Variants in WWOX observed in about 807,000 individuals in gnomAD.
WWOX encodes the protein WW domain containing oxidoreductase.
WWOX carries 69 observed loss-of-function variants against 46.2 expected under a neutral mutation model. That is an observed-to-expected ratio of 1.49 (90% CI 1.23 to 1.82). The LOEUF (loss-of-function observed/expected upper bound fraction) is 1.82, where lower values mean the gene tolerates loss of function less well. Ranked by LOEUF, WWOX falls within the 40% of genes most tolerant of loss-of-function variation. The pLI is 0.00. For missense variants in WWOX, 919 were observed against 542.6 expected (o/e 1.69, Z -6.89); for synonymous variants, 359 against 202.6 (o/e 1.77, Z -6.56).
chr16:78,375,734 A>C (rs749998553), intron 5 of WWOX, among the ~76,000 whole-genome samples: 3 of 152,206 alleles, frequency 2.0e-5, no homozygotes, highest in Admixed American at 2.0e-4. Context: ...AAAAAATTAT[A>C]GTTTCCTAAG....
Position 78,379,750 on chromosome 16 carries a change from C to T in WWOX, c.517-7110C>T, listed in dbSNP as rs982311576. ...GATACCCTCCCAGCTAATTCCTAGG[C>T]AATCTGCAATTAACAATGATTGTAA... On this transcript the variant is annotated intron_variant, in intron 5 of 8. Coordinates refer to ENST00000566780, the MANE Select transcript of WWOX (RefSeq NM_016373.4). Among the ~76,000 whole-genome samples, 4 of 152,288 alleles carry T rather than the reference C, an allele frequency of 2.6e-5. 1 individual carries two copies. The East Asian group carries it at 7.7e-4, about 29-fold the overall frequency.
At chr16:78,795,384 T>C (rs753320912) in intron 8 of WWOX, among the ~76,000 whole-genome samples, 2 of 152,134 alleles carry the variant, frequency 1.3e-5, no homozygotes, top group Non-Finnish European at 2.9e-5. Context: ...CCTGGCTGTT[T>C]TGTGAATGAG....
At chr16:79,163,955 G>C (rs2050541033) in intron 8 of WWOX, among the ~76,000 whole-genome samples, 1 of 151,196 alleles carries the variant, frequency 6.6e-6, no homozygotes, top group South Asian at 2.1e-4. Flanking sequence ...CCAGCCCACG[G>C]TTTTCCCTCT....
chr16:78,640,644 G>T (rs377647813), intron 8 of WWOX, among the ~76,000 whole-genome samples: 2 of 152,102 alleles, frequency 1.3e-5, no homozygotes, highest in African/African-American at 2.4e-5. Context: ...AAAAGTTGGT[G>T]AAAGAAAGAA....
chr16:79,211,805 C>T lies in WWOX; in HGVS notation c.*9C>T. On this transcript the variant is annotated 3_prime_UTR_variant, in exon 9 of 9. Transcript: ENST00000566780. ...GCAGCCAGTCCGGCTAAGTGGAGCTCAGAGCGGATGGGCACACACACCCGC... is the reference window on the plus strand; with the variant it reads ...GCAGCCAGTCCGGCTAAGTGGAGCTTAGAGCGGATGGGCACACACACCCGC... 1 of 1,614,068 alleles carries T rather than the reference C, an allele frequency of 6.2e-7. No homozygotes were observed. The highest frequency in any genetic ancestry group is 1.1e-5 in the South Asian group (1 of 91,080).
intron 8 of WWOX, among the ~76,000 whole-genome samples, chr16:78,901,798 G>T (rs2044837973): frequency 6.6e-6 from 1 of 152,346 alleles, no homozygotes; most frequent in East Asian, 1.9e-4. Context: ...GAGGTAGTCA[G>T]TGTTCTAAAC....
At chr16:78,691,113 A>G in intron 8 of WWOX, 1 of 630,678 alleles carries the variant, frequency 1.6e-6, no homozygotes, top group South Asian at 1.9e-5. Flanking sequence ...TTTGAATACC[A>G]GTCGTTATTG....
chr16:78,546,754 C>T lies in WWOX; in HGVS notation c.1056+114002C>T, dbSNP rs111596947. The stretch of plus-strand genomic sequence containing the variant: ...CCATGAACCACACTTTGAGAAAGCT[C>T]CATCTAAAGAGATAAGTTACTGACG... On this transcript the variant is annotated intron_variant, in intron 8 of 8. Transcript: ENST00000566780. Among the ~76,000 whole-genome samples, 41 of 152,218 alleles carry T rather than the reference C, an allele frequency of 2.7e-4. 1 individual carries two copies. Among genetic ancestry groups the T allele is most frequent in the African/African-American group, 9.6e-4 (40 of 41,530 alleles).
chr16:78,463,645 A>G (rs954391517), intron 8 of WWOX, among the ~76,000 whole-genome samples: 1 of 152,198 alleles, frequency 6.6e-6, no homozygotes, highest in East Asian at 1.9e-4. Flanking sequence ...TAGGTTCTCA[A>G]TAAATCTTTT....
chr16:79,170,962 G>T (rs1290750527), intron 8 of WWOX, among the ~76,000 whole-genome samples: 2 of 152,134 alleles, frequency 1.3e-5, no homozygotes, highest in Non-Finnish European at 2.9e-5. Context: ...ATTCCTGCAT[G>T]CACACTCCCC....
At chr16:78,805,778 T>G (rs1404935427) in intron 8 of WWOX, among the ~76,000 whole-genome samples, 1 of 152,218 alleles carries the variant, frequency 6.6e-6, no homozygotes, top group African/African-American at 2.4e-5. Flanking sequence ...AGATATCCAG[T>G]TTTTGTTTTG....
chr16:78,661,525 T>G (rs983476133), intron 8 of WWOX, among the ~76,000 whole-genome samples: 11 of 152,180 alleles, frequency 7.2e-5, no homozygotes, highest in Non-Finnish European at 1.3e-4. Context: ...CATTTATGAT[T>G]TAGCTTTCAC....
At chr16:78,352,817 G>GA (rs2081211448) in intron 5 of WWOX, among the ~76,000 whole-genome samples, 1 of 152,076 alleles carries the variant, frequency 6.6e-6, no homozygotes, top group South Asian at 2.1e-4. Flanking sequence ...TATGTCCTTG[G>GA]AGTGTATAGC....
intron 8 of WWOX, among the ~76,000 whole-genome samples, chr16:78,601,293 T>C (rs1052702229): frequency 6.6e-6 from 1 of 152,154 alleles, no homozygotes; most frequent in African/African-American, 2.4e-5. Context: ...GAAAAGCAAG[T>C]TGCAAACTCT....
chr16:78,224,529 C>G (rs2036988993), intron 5 of WWOX, among the ~76,000 whole-genome samples: 5 of 152,058 alleles, frequency 3.3e-5, no homozygotes, highest in Admixed American at 3.3e-4. Context: ...GCCCAATGTC[C>G]TAATGGATGG....
At chr16:78,806,717 G>A (rs578017235) in intron 8 of WWOX, among the ~76,000 whole-genome samples, 5 of 152,228 alleles carry the variant, frequency 3.3e-5, no homozygotes, top group African/African-American at 9.6e-5. Context: ...ATAGCCCTAG[G>A]TTTTCCTGCA....
At chr16:79,054,249 C>G (rs527327873) in intron 8 of WWOX, among the ~76,000 whole-genome samples, 2 of 152,306 alleles carry the variant, frequency 1.3e-5, no homozygotes, top group Admixed American at 6.5e-5. Flanking sequence ...AAGGATTCAT[C>G]AAGTGTCTAT....
At chr16:78,596,853 G>A (rs2045503430) in intron 8 of WWOX, among the ~76,000 whole-genome samples, 1 of 152,082 alleles carries the variant, frequency 6.6e-6, no homozygotes, top group Non-Finnish European at 1.5e-5. Flanking sequence ...GATGGGGCTG[G>A]CTTTGAGGGT....
intron 8 of WWOX, among the ~76,000 whole-genome samples, chr16:78,600,341 A>C (rs1175191670): frequency 6.6e-6 from 1 of 152,110 alleles, no homozygotes; most frequent in African/African-American, 2.4e-5. Context: ...GTAGAGACTC[A>C]GCATAGCTGG....
Sources: allele counts gnomAD v4.1 joint callset (sites outside exome capture counted in the v4.1 genomes callset), GRCh38; gene constraint gnomAD v4.1.1; transcripts MANE v1.5; gene names NCBI Gene and HGNC (gene_info 2026-07-23, HGNC 2026-07-21).